Variants in CNPPD1 observed in about 807,000 individuals in gnomAD.
CNPPD1 encodes protein CNPPD1.
In CNPPD1, 40 loss-of-function variants were observed where a neutral mutation model predicts 43.7. That is an observed-to-expected ratio of 0.92 (90% CI 0.71 to 1.19). The LOEUF (loss-of-function observed/expected upper bound fraction) is 1.19, where lower values mean the gene tolerates loss of function less well. CNPPD1 is among the 50% of genes most tolerant of loss of function. The pLI is 0.00. For synonymous variants in CNPPD1, 208 were observed against 214.3 expected, an observed-to-expected ratio of 0.97 and a Z score of 0.26; for missense variants, 511 against 518.5, an observed-to-expected ratio of 0.99 and a Z score of 0.14.
chr2:219,173,968 C>T (rs1204225023), intron 6 of CNPPD1, among the ~76,000 whole-genome samples, 178 bp downstream of exon 6: 2 of 152,224 alleles, frequency 1.3e-5, no homozygotes, highest in Non-Finnish European at 2.9e-5. Context: ...TAAGCTGCTT[C>T]TCACCTTCCC....
Position 219,176,740 on chromosome 2 carries a change from G to C in CNPPD1, c.69+20C>G. Reference sequence around the variant, plus strand: ...AGGGGCGCGCCGGGAGGCCGGGGAGGGGGCGGGACCCCCACTCACCGTGAA... The same window carrying C: ...AGGGGCGCGCCGGGAGGCCGGGGAGCGGGCGGGACCCCCACTCACCGTGAA... On this transcript the variant is annotated intron_variant, in intron 1 of 7. Coordinates refer to ENST00000360507, the MANE Select transcript of CNPPD1 (RefSeq NM_015680.6). 10 of 1,551,622 alleles carry C rather than the reference G, an allele frequency of 6.4e-6. No individual in the cohort carries two copies. The highest frequency in any genetic ancestry group is 8.7e-6 in the Non-Finnish European group (10 of 1,145,584).
rs1465748387 is a variant in CNPPD1, at chr2:219,175,099, G to A, written c.270C>T (p.Cys90=). The change falls in exon 4 of 8, where the codon TGC becomes TGT. Residue 90 remains cysteine, a synonymous_variant. Coordinates refer to ENST00000360507, the MANE Select transcript of CNPPD1 (RefSeq NM_015680.6). ...KYVAHVSREA[C]ISPCAMMLAL... ...CCAGCATCATAGCACATGGGGAGAT[G>A]CATGCCTCCCTGGGTGGTAGAAAGG... is the stretch of plus-strand genomic sequence containing the variant. 6.2e-7 allele frequency: 1 copy of A among 1,601,214 alleles called. No homozygotes were observed. The highest frequency in any genetic ancestry group is 1.7e-5 in the Admixed American group (1 of 58,668).
In CNPPD1 at chr2:219,174,709, G is replaced by A. The variant is rs1206469712; in HGVS notation, c.510+69C>T. Reference sequence around the variant, plus strand: ...GACGAACCAACAGAAGACTGAGAGAGAACAAAGGACTAAAGGACGGTTAAA... The same window carrying A: ...GACGAACCAACAGAAGACTGAGAGAAAACAAAGGACTAAAGGACGGTTAAA... On this transcript the variant is annotated intron_variant, in intron 5 of 7. Coordinates refer to ENST00000360507, the MANE Select transcript of CNPPD1 (RefSeq NM_015680.6). 2.6e-6 allele frequency: 4 copies of A among 1,516,790 alleles called. No individual in the cohort carries two copies. The South Asian group carries it at 5.3e-5, about 20-fold the overall frequency. 94.0% of individuals were successfully genotyped at this position (1,516,790 alleles called of 1,614,324 possible).
intron 6 of CNPPD1, among the ~76,000 whole-genome samples, 166 bp from the exon 7 acceptor site, chr2:219,173,633 TTTTATTTATTTTTA>T (rs1005044696): frequency 4.6e-5 from 7 of 152,134 alleles, no homozygotes; most frequent in Admixed American, 3.3e-4. Context: ...AAGACCTATA[TTTTATTTATTTTTA>T]TTTATTTATT....
chr2:219,175,625 G>A lies in CNPPD1; in HGVS notation c.226C>T (p.Arg76Ter), dbSNP rs755866874. 4.3e-6 allele frequency: 7 copies of A among 1,613,740 alleles called. No individual in the cohort carries two copies. Among genetic ancestry groups the A allele is most frequent in the Admixed American group, 3.3e-5 (2 of 59,978 alleles). The change falls in exon 3 of 8, where the codon CGA (arginine) becomes TGA (stop). Residue 76 changes from arginine (R) to a stop codon, truncating the protein, a stop_gained. Coordinates refer to ENST00000360507, the MANE Select transcript of CNPPD1 (RefSeq NM_015680.6). LOFTEE classifies it high-confidence loss of function. ...TGAGCTACATATTTCTTCTGGAGTC[G>A]GCGAATAGGGCTGGGGGCTGCCTTC... ...LQKAAPSPIR[R>*]LQKKYVAHVS...
In CNPPD1 at chr2:219,174,897, T is replaced by C. The variant is rs1227672652; in HGVS notation, c.391A>G (p.Ser131Gly). 1.2e-6 allele frequency: 2 copies of C among 1,614,166 alleles called. No homozygotes were observed. The highest frequency in any genetic ancestry group is 1.7e-6 in the Non-Finnish European group (2 of 1,180,038). ...DLFLISMMVASKYLYDEGEEE... is the reference protein window; with the variant it reads ...DLFLISMMVAGKYLYDEGEEE... Reference sequence around the variant, plus strand: ...TCCCCTTCATCATAGAGGTACTTACTGGCCACCATCTGCAGAGGAACCAGA... The same window carrying C: ...TCCCCTTCATCATAGAGGTACTTACCGGCCACCATCTGCAGAGGAACCAGA... The change falls in exon 5 of 8, where the codon AGT becomes GGT. Residue 131 changes from serine to glycine, a missense_variant. Physicochemically the swap from Ser to Gly is moderately conservative, Grantham distance 56. Coordinates refer to ENST00000360507, the MANE Select transcript of CNPPD1 (RefSeq NM_015680.6).
At chr2:219,173,570 G>T in intron 6 of CNPPD1, 103 bp from the exon 7 acceptor site, 2 of 873,234 alleles carry the variant, frequency 2.3e-6, no homozygotes, top group Non-Finnish European at 3.6e-6. Context: ...TGGGAAGCCT[G>T]TTAAACCCAG....
upstream of CNPPD1, chr2:219,178,096 G>A (rs73993509): frequency 0.01 from 2,399 of 234,064 alleles, 64 homozygotes; most frequent in African/African-American, 0.052. Context: ...GGAACCCGGG[G>A]TACTTCGTCA....
chr2:219,175,191 C>A, intron 3 of CNPPD1, 83 bp from the exon 4 acceptor site: 1 of 1,478,852 alleles, frequency 6.8e-7, no homozygotes, highest in South Asian at 1.4e-5. Context: ...CTGTCTTTAC[C>A]TCTTATCTTT....
chr2:219,172,626 A>G lies in CNPPD1; in HGVS notation c.1193T>C (p.Met398Thr), dbSNP rs1189800672. 3 of 1,614,192 alleles carry G rather than the reference A, an allele frequency of 1.9e-6. No individual in the cohort carries two copies. Among genetic ancestry groups the G allele is most frequent in the Non-Finnish European group, 1.7e-6 (2 of 1,180,040 alleles). Residue 398 changes from methionine to threonine, a missense_variant, in exon 8 of 8, where the codon ATG becomes ACG. Coordinates refer to ENST00000360507, the MANE Select transcript of CNPPD1 (RefSeq NM_015680.6). The part of the protein sequence containing the change: ...QPQQCSLFSV[M>T]ELARLKSFVF... ...GAAAGACTTGAGGCGAGCCAGCTCCATGACACTGAAAAGGGAACATTGCTG... is the reference window on the plus strand; with the variant it reads ...GAAAGACTTGAGGCGAGCCAGCTCCGTGACACTGAAAAGGGAACATTGCTG...
chr2:219,173,194 T>C (rs1950103567), intron 7 of CNPPD1, 66 bp from the exon 8 acceptor site: 3 of 1,498,734 alleles, frequency 2.0e-6, no homozygotes, highest in Admixed American at 4.1e-5. Context: ...TCTCTAGAAA[T>C]CTGTGTTCCA....
rs1436928712 is a variant in CNPPD1 at position 219,174,921 on chromosome 2, G to A, written c.382-15C>T. ...CTGGCCACCATCTGCAGAGGAACCA[G>A]AAGTGGTGGAGCAGAGCTCATAGCA... On this transcript the variant is annotated splice_polypyrimidine_tract_variant and intron_variant, in intron 4 of 7. Transcript: ENST00000360507. 4.3e-6 allele frequency: 7 copies of A among 1,614,090 alleles called. No individual in the cohort carries two copies. Among genetic ancestry groups the A allele is most frequent in the African/African-American group, 4.0e-5 (3 of 74,924 alleles).
rs753114808 is a variant in CNPPD1, at chr2:219,174,978, G to C, written c.381+10C>G. On this transcript the variant is annotated intron_variant, in intron 4 of 7. Transcript: ENST00000360507. ...TGGCTCTTTAGGGAGATGGGGAGGG[G>C]GTGTCTTACCATGGAGATCAGGAAC... The C allele has an allele frequency of 6.2e-7, 1 of 1,614,100 alleles. No individual in the cohort carries two copies. The highest frequency in any genetic ancestry group is 2.2e-5 in the East Asian group (1 of 44,880).
At chr2:219,176,937 G>C, upstream of CNPPD1, 1 of 946,996 alleles carries the variant, frequency 1.1e-6, no homozygotes, top group Non-Finnish European at 1.6e-6. Context: ...CCTCCCCGGG[G>C]CGGGCCGCCG....
rs774088771 is a variant in CNPPD1, at chr2:219,176,811, G to C, written c.18C>G (p.Leu6=). The change falls in exon 1 of 8, where the codon CTC becomes CTG. Residue 6 remains leucine (L), a synonymous_variant. Coordinates refer to ENST00000360507, the MANE Select transcript of CNPPD1 (RefSeq NM_015680.6). The part of the protein sequence containing the change: MDLTG[L]LLDEEGTFSL... ...AGAAGGTGCCTTCTTCGTCCAGCAG[G>C]AGCCCGGTCAGGTCCATCGCGCCGC... 13 of 1,581,794 alleles carry C rather than the reference G, an allele frequency of 8.2e-6. No homozygotes were observed. The East Asian group carries it at 2.3e-4, about 28-fold the overall frequency.
Position 219,172,294 on chromosome 2 carries a change from A to G in CNPPD1, c.*292T>C. ...CTAGGGAAATCAAAAGTAAAAGTCTAAAAAATCCCAGGGAGGCAGAGAGGG... is the reference window on the plus strand; with the variant it reads ...CTAGGGAAATCAAAAGTAAAAGTCTGAAAAATCCCAGGGAGGCAGAGAGGG... On this transcript the variant is annotated 3_prime_UTR_variant, in exon 8 of 8. Transcript: ENST00000360507. The G allele has an allele frequency of 2.1e-6, 1 of 471,672 alleles. No homozygotes were observed. The highest frequency in any genetic ancestry group is 3.8e-6 in the Non-Finnish European group (1 of 260,850). 29.2% of individuals were successfully genotyped at this position (471,672 alleles called of 1,614,324 possible). A position where few individuals can be genotyped will look rare whatever the true frequency, so the allele number is the denominator to read the frequency against.
At chr2:219,174,276 T>G in intron 5 of CNPPD1, 69 bp from the exon 6 acceptor site, 16 of 1,465,220 alleles carry the variant, frequency 1.1e-5, no homozygotes, top group Non-Finnish European at 1.5e-5. Context: ...ATAAGAGCCA[T>G]AGCAGCAACT....
At position 219,174,187 on chromosome 2, in the gene CNPPD1, G is replaced by T; in HGVS notation, c.531C>A (p.Asp177Glu). 1 of 1,614,162 alleles carries T rather than the reference G, an allele frequency of 6.2e-7. No homozygotes were observed. Among genetic ancestry groups the T allele is most frequent in the Middle Eastern group, 1.6e-4 (1 of 6,062 alleles). Residue 177 changes from aspartate (D) to glutamate (E), a missense_variant, in exon 6 of 8, where the codon GAC (aspartate) becomes GAA (glutamate). By Grantham distance (45) the Asp-to-Glu change is conservative. Transcript: ENST00000360507. ...TCAGCACCTCAAAGATCTCCCGAGG[G>T]TCAGTGTAGAGATGCCAATCCTGTG... ...LSAMDWHLYT[D>E]PREIFEVLSW...
In CNPPD1 at chr2:219,172,957, A is replaced by G. The variant is rs769647957; in HGVS notation, c.862T>C (p.Cys288Arg). ...LEPCIPSVPQ[C>R]LPSLANVSSC... Reference sequence around the variant, plus strand: ...GAGACATTAGCGAGAGACGGCAGGCATTGTGGCACAGAAGGTATGCAGGGC... The same window carrying G: ...GAGACATTAGCGAGAGACGGCAGGCGTTGTGGCACAGAAGGTATGCAGGGC... Residue 288 changes from cysteine (C) to arginine (R), a missense_variant, in exon 8 of 8, where the codon TGC becomes CGC. Cys to Arg is a radical substitution (Grantham distance 180, BLOSUM62 -3). Transcript: ENST00000360507. 1.2e-6 allele frequency: 2 copies of G among 1,613,976 alleles called. No individual in the cohort carries two copies.
Sources: gnomAD v4.1 joint callset for allele counts (sites outside exome capture counted in the v4.1 genomes callset) on GRCh38, gnomAD v4.1.1 for gene constraint, MANE v1.5 for transcripts, NCBI Gene and HGNC (gene_info 2026-07-23, HGNC 2026-07-21) for gene names.